TNIK: variants seen among roughly 807,000 people sequenced by gnomAD.
TNIK encodes TRAF2 and NCK-interacting protein kinase.
TNIK carries 49 observed loss-of-function variants against 191.3 expected under a neutral mutation model. The observed-to-expected ratio is 0.26, with a 90% confidence interval of 0.20 to 0.32. The LOEUF (loss-of-function observed/expected upper bound fraction) is 0.32, where lower values mean the gene tolerates loss of function less well. TNIK is among the 10% of genes least tolerant of loss of function. TNIK has a pLI of 1.00. For synonymous variants in TNIK, 594 were observed against 600.9 expected, an observed-to-expected ratio of 0.99 and a Z score of 0.17; for missense variants, 1,155 against 1,702.3, an observed-to-expected ratio of 0.68 and a Z score of 5.66.
chr3:171,379,004 A>C (rs1252547126), intron 1 of TNIK, among the ~76,000 whole-genome samples: 2 of 152,202 alleles, frequency 1.3e-5, no homozygotes, highest in Non-Finnish European at 2.9e-5. Flanking sequence ...GACAGTAGGT[A>C]GGATGGGCAG....
intron 2 of TNIK, among the ~76,000 whole-genome samples, chr3:171,334,325 C>T (rs1052805451): frequency 6.6e-5 from 10 of 152,178 alleles, no homozygotes; most frequent in African/African-American, 2.2e-4. Flanking sequence ...ACCGTAGAAA[C>T]TGGAAGGCGC....
At chr3:171,351,269 A>ATGTGTGTGTGTGTGTGTG (rs140083535) in intron 2 of TNIK, among the ~76,000 whole-genome samples, 9,945 of 146,956 alleles carry the variant, frequency 0.068, 430 homozygotes, top group Non-Finnish European at 0.094. Context: ...ATATATGTAT[A>ATGTGTGTGTGTGTGTGTG]TATGTGTGTG....
At position 171,113,466 on chromosome 3, in the gene TNIK, C is replaced by T. The variant is rs890516827; in HGVS notation, c.2121-2589G>A. 3.3e-5 allele frequency among the ~76,000 whole-genome samples: 5 copies of T among 151,878 alleles called. No homozygotes were observed. In the East Asian group the frequency reaches 5.8e-4, roughly 18 times the overall value. ...TAAAAATACAAAAAAATTAGCTGGG[C>T]GTGGTGGCAGGTGCCTGTATTCTCA... On this transcript the variant is annotated intron_variant, in intron 18 of 32. Coordinates refer to ENST00000436636, the MANE Select transcript of TNIK (RefSeq NM_015028.4).
At chr3:171,370,909 G>A (rs1405593375) in intron 1 of TNIK, among the ~76,000 whole-genome samples, 1 of 152,052 alleles carries the variant, frequency 6.6e-6, no homozygotes, top group Non-Finnish European at 1.5e-5. Context: ...GTCTCTACTG[G>A]ACACTTACAT....
At chr3:171,265,021 A>G (rs1034565794) in intron 2 of TNIK, among the ~76,000 whole-genome samples, 14 of 152,218 alleles carry the variant, frequency 9.2e-5, no homozygotes, top group Admixed American at 1.3e-4. Context: ...CACCTTGACC[A>G]GAAGTTCCAC....
rs1469425137 is a variant in TNIK at position 171,062,523 on chromosome 3, A to G, written c.*1358T>C. ...GCATAAAAGTTCAAATCATTTGAGT[A>G]AGAGTTTATAAGGACACAAGTCAAC... On this transcript the variant is annotated 3_prime_UTR_variant, in exon 33 of 33. Transcript: ENST00000436636. The G allele has an allele frequency of 6.6e-6, 1 of 152,176 alleles. No individual in the cohort carries two copies. The highest frequency in any genetic ancestry group is 2.4e-5 in the African/African-American group (1 of 41,442). The allele number at this position is 152,176 out of a possible 1,614,324, so 9.4% of individuals were successfully genotyped here.
chr3:171,411,153 G>A (rs531866581), intron 1 of TNIK, among the ~76,000 whole-genome samples: 4 of 151,334 alleles, frequency 2.6e-5, no homozygotes, highest in East Asian at 1.9e-4. Flanking sequence ...TTGCAGCCTC[G>A]AATGCCTGAG....
chr3:171,235,188 C>T (rs1744111392), intron 2 of TNIK, among the ~76,000 whole-genome samples: 1 of 152,096 alleles, frequency 6.6e-6, no homozygotes, highest in Admixed American at 6.6e-5. Flanking sequence ...ATTACTGGTT[C>T]CCACTACCAT....
chr3:171,103,966 C>T lies in TNIK; in HGVS notation c.2407-2333G>A, dbSNP rs575581200. Among the ~76,000 whole-genome samples the T allele has an allele frequency of 2.6e-5, 4 of 152,202 alleles. No individual in the cohort carries two copies. The South Asian group carries it at 8.3e-4, about 32-fold the overall frequency. On this transcript the variant is annotated intron_variant, in intron 21 of 32. Coordinates refer to ENST00000436636, the MANE Select transcript of TNIK (RefSeq NM_015028.4). ...TTTCTAAACATTGTATTTAGAAACA[C>T]TTTAAAGTTCTGAACTGCTTAATAA...
At position 171,260,962 on chromosome 3, in the gene TNIK, A is replaced by G. The variant is rs181915788; in HGVS notation, c.124-32741T>C. Among the ~76,000 whole-genome samples, 207 of 152,374 alleles carry G rather than the reference A, an allele frequency of 1.4e-3. 1 individual carries two copies. Among genetic ancestry groups the G allele is most frequent in the African/African-American group, 4.7e-3 (195 of 41,588 alleles). On this transcript the variant is annotated intron_variant, in intron 2 of 32. Coordinates refer to ENST00000436636, the MANE Select transcript of TNIK (RefSeq NM_015028.4). ...AATATTTTCCTAAAGTTTCTCTTAT[A>G]TAAAGGTTTATCTTACATTAGGTAT...
intron 2 of TNIK, among the ~76,000 whole-genome samples, chr3:171,288,162 C>T (rs1306070004): frequency 5.5e-5 from 5 of 91,334 alleles, no homozygotes; most frequent in Admixed American, 1.7e-4. Context: ...ACTCTGGGGA[C>T]TGTGGTGGGG....
At chr3:171,412,803 T>C (rs574242028) in intron 1 of TNIK, among the ~76,000 whole-genome samples, 1 of 152,380 alleles carries the variant, frequency 6.6e-6, no homozygotes, top group East Asian at 1.9e-4. Context: ...ATAGGGATAA[T>C]ACCATCTAAT....
chr3:171,219,277 T>C (rs1741978436), intron 3 of TNIK, among the ~76,000 whole-genome samples: 1 of 143,810 alleles, frequency 7.0e-6, no homozygotes, highest in African/African-American at 2.5e-5. Context: ...TAATATATAT[T>C]ATATATAATG....
intron 22 of TNIK, among the ~76,000 whole-genome samples, chr3:171,100,492 A>G (rs924406683): frequency 2.0e-5 from 3 of 152,110 alleles, no homozygotes; most frequent in East Asian, 1.9e-4. Flanking sequence ...GTGGCCTGAA[A>G]TGGCTTCTTT....
intron 1 of TNIK, among the ~76,000 whole-genome samples, chr3:171,419,378 T>C (rs116708779): frequency 0.015 from 2,307 of 152,300 alleles, 20 homozygotes; most frequent in Middle Eastern, 0.037. Flanking sequence ...AAATGTGGAA[T>C]GATGTTTCTT....
In TNIK at chr3:171,447,320, AC is replaced by A. The variant is rs796405211; in HGVS notation, c.57+12686del. On this transcript the variant is annotated intron_variant, in intron 1 of 32. Transcript: ENST00000436636. Reference sequence around the variant, plus strand: ...GGTTTTAGGCAAGAAAAAAAAAAAAACACGTTATAATCTGACATTGGTCATC... The same window carrying A: ...GGTTTTAGGCAAGAAAAAAAAAAAAAACGTTATAATCTGACATTGGTCATC... Among the ~76,000 whole-genome samples the A allele has an allele frequency of 8.8e-3, 1,335 of 152,022 alleles. 17 individuals carry two copies. The highest frequency in any genetic ancestry group is 0.031 in the African/African-American group (1,279 of 41,382).
intron 4 of TNIK, among the ~76,000 whole-genome samples, chr3:171,196,220 T>G (rs1738651573): frequency 6.6e-6 from 1 of 152,138 alleles, no homozygotes. Flanking sequence ...AAGTAGGTAT[T>G]CCATCTAATA....
chr3:171,130,674 A>C lies in TNIK; in HGVS notation c.1609-1796T>G, dbSNP rs1303584772. On this transcript the variant is annotated intron_variant, in intron 15 of 32. Coordinates refer to ENST00000436636, the MANE Select transcript of TNIK (RefSeq NM_015028.4). ...TGCCAGACTCTTTGAAAGAAGGTTA[A>C]TATTTCTAGACCACTGGAATTGGTC... Among the ~76,000 whole-genome samples the C allele has an allele frequency of 3.9e-5, 6 of 152,192 alleles. No homozygotes were observed. In the East Asian group the frequency reaches 1.2e-3, roughly 29 times the overall value.
At position 171,060,386 on chromosome 3, in the gene TNIK, A is replaced by AC. The variant is rs1470461636; in HGVS notation, c.*3494dup. On this transcript the variant is annotated 3_prime_UTR_variant, in exon 33 of 33. Transcript: ENST00000436636. Reference sequence around the variant, plus strand: ...TGTTAGTAGGTTTTGACAACCAGGAACTAAGGTGTTTTTAAAAAACATGTA... The same window carrying AC: ...TGTTAGTAGGTTTTGACAACCAGGAACCTAAGGTGTTTTTAAAAAACATGTA... 6.6e-6 allele frequency among the ~76,000 whole-genome samples: 1 copy of AC among 152,164 alleles called. No individual in the cohort carries two copies. Among genetic ancestry groups the AC allele is most frequent in the African/African-American group, 2.4e-5 (1 of 41,430 alleles).
Sources: gnomAD v4.1 joint callset for allele counts (sites outside exome capture counted in the v4.1 genomes callset) on GRCh38, gnomAD v4.1.1 for gene constraint, MANE v1.5 for transcripts, NCBI Gene and HGNC (gene_info 2026-07-23, HGNC 2026-07-21) for gene names.